DOK6: variants seen among roughly 807,000 people sequenced by gnomAD.
DOK6 encodes the protein downstream of tyrosine kinase 6.
In DOK6, 22 loss-of-function variants were observed where a neutral mutation model predicts 44.0. That is an observed-to-expected ratio of 0.50 (90% CI 0.36 to 0.71). DOK6 has a LOEUF of 0.71. DOK6 is among the 30% of genes least tolerant of loss of function. The pLI is 0.00. For synonymous variants in DOK6, 166 were observed against 145.5 expected (o/e 1.14, Z -1.01); for missense variants, 340 against 416.4 (o/e 0.82, Z 1.60).
chr18:69,406,574 A>T (rs1916209874), intron 1 of DOK6, among the ~76,000 whole-genome samples: 1 of 152,172 alleles, frequency 6.6e-6, no homozygotes, highest in African/African-American at 2.4e-5. Context: ...GGTGAACTTT[A>T]AAAATGGCAT....
chr18:69,580,062 CTTTTGCTACA>C (rs1266459991), intron 2 of DOK6, among the ~76,000 whole-genome samples: 29 of 152,220 alleles, frequency 1.9e-4, no homozygotes, highest in African/African-American at 7.0e-4. Context: ...CTTTAGTTTT[CTTTTGCTACA>C]TAATAAATCA....
At chr18:69,548,154 G>A (rs899105562) in intron 1 of DOK6, among the ~76,000 whole-genome samples, 2 of 150,176 alleles carry the variant, frequency 1.3e-5, no homozygotes, top group Non-Finnish European at 3.0e-5. Flanking sequence ...GGGGTTTCAC[G>A]GTGTTAGCCA....
At chr18:69,703,050 G>A (rs1986555873) in intron 5 of DOK6, among the ~76,000 whole-genome samples, 1 of 83,066 alleles carries the variant, frequency 1.2e-5, no homozygotes, top group Non-Finnish European at 2.9e-5. Context: ...CTCTCCGAGG[G>A]GGAAAAAAAA....
chr18:69,636,444 T>C (rs1441295615), intron 3 of DOK6, among the ~76,000 whole-genome samples: 1 of 152,152 alleles, frequency 6.6e-6, no homozygotes, highest in Non-Finnish European at 1.5e-5. Flanking sequence ...CCCTGTGAAC[T>C]ACTGAAGAAA....
At chr18:69,628,869 G>A (rs746803873) in intron 3 of DOK6, among the ~76,000 whole-genome samples, 1 of 152,150 alleles carries the variant, frequency 6.6e-6, no homozygotes, top group Non-Finnish European at 1.5e-5. Context: ...GGAGTAGGAT[G>A]CATGTACATT....
At chr18:69,692,881 T>C (rs1318889895) in intron 4 of DOK6, among the ~76,000 whole-genome samples, 1 of 152,094 alleles carries the variant, frequency 6.6e-6, no homozygotes, top group East Asian at 1.9e-4. Flanking sequence ...TTTATTTATG[T>C]TAACTTAATA....
intron 1 of DOK6, among the ~76,000 whole-genome samples, chr18:69,421,353 G>A (rs1348461462): frequency 1.3e-5 from 2 of 152,172 alleles, no homozygotes; most frequent in Non-Finnish European, 2.9e-5. Context: ...AGAGTACCAA[G>A]TTCTGAATAT....
At position 69,651,184 on chromosome 18, in the gene DOK6, TAATAACAGGGGA is replaced by T. The variant is rs541544622; in HGVS notation, c.290-26548_290-26537del. Among the ~76,000 whole-genome samples the T allele has an allele frequency of 6.3e-3, 959 of 152,240 alleles. 3 individuals carry two copies. The highest frequency in any genetic ancestry group is 9.7e-3 in the South Asian group (47 of 4,826). On this transcript the variant is annotated intron_variant, in intron 3 of 7. Coordinates refer to ENST00000382713, the MANE Select transcript of DOK6 (RefSeq NM_152721.6). ...CCGTCCTCCCCACTTGAGCCTCCTG[TAATAACAGGGGA>T]ACCATAATAATGTCAATACCTCCAC...
In DOK6 at chr18:69,443,358, C is replaced by T. The variant is rs540544220; in HGVS notation, c.66+42048C>T. On this transcript the variant is annotated intron_variant, in intron 1 of 7. Coordinates refer to ENST00000382713, the MANE Select transcript of DOK6 (RefSeq NM_152721.6). ...GGTCACGTGTGTGGAGCAAGACCAT[C>T]TCAGGTTGAAACCCAGCTCCAGCAC... Among the ~76,000 whole-genome samples, 6 of 152,286 alleles carry T rather than the reference C, an allele frequency of 3.9e-5. No individual in the cohort carries two copies. In the South Asian group the frequency reaches 1.2e-3, roughly 32 times the overall value.
At chr18:69,691,092 G>C (rs905677578) in intron 4 of DOK6, among the ~76,000 whole-genome samples, 1 of 151,856 alleles carries the variant, frequency 6.6e-6, no homozygotes, top group African/African-American at 2.4e-5. Context: ...GTCTGAGGGA[G>C]GAGAATCACT....
chr18:69,578,466 T>C (rs1983289351), intron 2 of DOK6, among the ~76,000 whole-genome samples: 1 of 152,210 alleles, frequency 6.6e-6, no homozygotes, highest in Non-Finnish European at 1.5e-5. Flanking sequence ...GAAATTCGGA[T>C]GATAATTTCA....
chr18:69,405,495 G>T (rs1402324894), intron 1 of DOK6, among the ~76,000 whole-genome samples: 1 of 152,040 alleles, frequency 6.6e-6, no homozygotes, highest in Non-Finnish European at 1.5e-5. Flanking sequence ...TGCGAGAATT[G>T]CTTGAACTCG....
chr18:69,749,193 A>T (rs1347783500), intron 6 of DOK6, among the ~76,000 whole-genome samples: 1 of 152,152 alleles, frequency 6.6e-6, no homozygotes, highest in Non-Finnish European at 1.5e-5. Context: ...TAGGAAAAAT[A>T]GCTAGGCTTA....
intron 1 of DOK6, among the ~76,000 whole-genome samples, chr18:69,516,755 A>G (rs564474277): frequency 5.2e-4 from 78 of 151,424 alleles, no homozygotes; most frequent in Non-Finnish European, 7.1e-4. Flanking sequence ...GGCTCATTGC[A>G]ACCTCTGCCT....
At chr18:69,415,391 G>A (rs1181953753) in intron 1 of DOK6, among the ~76,000 whole-genome samples, 1 of 152,042 alleles carries the variant, frequency 6.6e-6, no homozygotes, top group African/African-American at 2.4e-5. Context: ...GGTTGAGAAA[G>A]GCCAAATGTT....
chr18:69,651,334 G>A (rs72961490), intron 3 of DOK6, among the ~76,000 whole-genome samples: 10,105 of 152,016 alleles, frequency 0.066, 470 homozygotes, highest in Non-Finnish European at 0.1. Flanking sequence ...TGATATTTTA[G>A]ATATAGTCCA....
intron 3 of DOK6, among the ~76,000 whole-genome samples, chr18:69,674,271 G>T (rs978244243): frequency 6.6e-6 from 1 of 152,194 alleles, no homozygotes; most frequent in Non-Finnish European, 1.5e-5. Flanking sequence ...TTCAGCTTAT[G>T]TGCAGCAAAA....
Position 69,401,073 on chromosome 18 carries a change from C to T in DOK6, c.-172C>T, listed in dbSNP as rs1293534614. On this transcript the variant is annotated 5_prime_UTR_variant, in exon 1 of 8. Transcript: ENST00000382713. ...GGGCCCCGTTCCCCGTCCGCGGCGG[C>T]CCTGCAGGCGACCCCGCGTCCCCAC... 5.1e-6 allele frequency: 2 copies of T among 395,602 alleles called. No individual in the cohort carries two copies. The highest frequency in any genetic ancestry group is 2.2e-5 in the African/African-American group (1 of 46,226). 24.5% of individuals were successfully genotyped at this position (395,602 alleles called of 1,614,324 possible). A position where few individuals can be genotyped will look rare whatever the true frequency, so the allele number is the denominator to read the frequency against.
chr18:69,440,586 A>G (rs1444432186), intron 1 of DOK6, among the ~76,000 whole-genome samples: 4 of 152,074 alleles, frequency 2.6e-5, no homozygotes, highest in Non-Finnish European at 5.9e-5. Context: ...CTTGAGCCCA[A>G]GTATATTTCT....
Sources: gnomAD v4.1 joint callset for allele counts (sites outside exome capture counted in the v4.1 genomes callset) on GRCh38, gnomAD v4.1.1 for gene constraint, MANE v1.5 for transcripts, NCBI Gene and HGNC (gene_info 2026-07-23, HGNC 2026-07-21) for gene names.